The following PHLPP2 variants were observed in gnomAD, a reference collection of about 807,000 sequenced individuals.
The protein encoded by PHLPP2 is PH domain and leucine rich repeat protein phosphatase 2.
PHLPP2 carries 66 observed loss-of-function variants against 124.9 expected under a neutral mutation model. That is an observed-to-expected ratio of 0.53 (90% confidence interval 0.43 to 0.65). The LOEUF (loss-of-function observed/expected upper bound fraction) is 0.65. Among genes scored for constraint, PHLPP2 ranks in the 30% least tolerant of loss-of-function variants. The pLI is 0.00. For synonymous variants in PHLPP2, 681 were observed against 624.7 expected, an observed-to-expected ratio of 1.09 and a Z score of -1.34; for missense variants, 1,685 against 1,600.4, an observed-to-expected ratio of 1.05 and a Z score of -0.90.
intron 8 of PHLPP2, 83 bp downstream of exon 8, chr16:71,678,672 T>C (rs2044969331): frequency 1.2e-6 from 1 of 806,238 alleles, no homozygotes; most frequent in Non-Finnish European, 2.1e-6. Flanking sequence ...AACCCTAATG[T>C]TTTAAACAAA....
At chr16:71,671,922 A>AAAC (rs2044897023) in intron 10 of PHLPP2, among the ~76,000 whole-genome samples, 1 of 152,012 alleles carries the variant, frequency 6.6e-6, no homozygotes, top group Admixed American at 6.6e-5. Context: ...TCAAACAAAC[A>AAAC]AACAAACACC....
intron 3 of PHLPP2, among the ~76,000 whole-genome samples, chr16:71,691,508 TAAATAAGG>T (rs1323125895): frequency 5.8e-4 from 68 of 117,942 alleles, no homozygotes; most frequent in African/African-American, 1.9e-3. Flanking sequence ...AATAAATAAA[TAAATAAGG>T]AATATAAAAT....
chr16:71,703,624 A>G (rs2045251350), intron 2 of PHLPP2, among the ~76,000 whole-genome samples: 1 of 151,936 alleles, frequency 6.6e-6, no homozygotes, highest in Admixed American at 6.6e-5. Context: ...TACAGTGGCT[A>G]AACGTATAGG....
intron 2 of PHLPP2, among the ~76,000 whole-genome samples, chr16:71,708,410 G>T (rs2145376547): frequency 6.6e-6 from 1 of 152,268 alleles, no homozygotes; most frequent in East Asian, 1.9e-4. Flanking sequence ...AGAGCAGGTT[G>T]ACTGTAATTT....
At chr16:71,711,292 C>G (rs1003531904) in intron 2 of PHLPP2, among the ~76,000 whole-genome samples, 1 of 151,398 alleles carries the variant, frequency 6.6e-6, no homozygotes, top group Non-Finnish European at 1.5e-5. Context: ...GATCGCACCA[C>G]TGCACTCCAG....
At chr16:71,671,110 G>A (rs534191084) in intron 10 of PHLPP2, among the ~76,000 whole-genome samples, 13 of 152,132 alleles carry the variant, frequency 8.5e-5, no homozygotes, top group Middle Eastern at 3.4e-3. Context: ...GATTTTCTTC[G>A]GCAATGATCA....
At chr16:71,690,142 C>A (rs2045095378) in intron 4 of PHLPP2, among the ~76,000 whole-genome samples, 1 of 152,138 alleles carries the variant, frequency 6.6e-6, no homozygotes, top group Admixed American at 6.6e-5. Context: ...CTTATGACTA[C>A]CTCAGACTCT....
intron 18 of PHLPP2, among the ~76,000 whole-genome samples, chr16:71,650,755 T>C (rs1454898389): frequency 6.6e-6 from 1 of 152,240 alleles, no homozygotes; most frequent in African/African-American, 2.4e-5. Flanking sequence ...AATAAATTAA[T>C]ATCACAGTTG....
Position 71,658,296 on chromosome 16 carries a change from T to C in PHLPP2, c.2216A>G (p.Gln739Arg), listed in dbSNP as rs1303908551. ...LIPEALPATL[Q>R]DLDLTGNTNL... ...TGTATTTCCAGTCAGGTCAAGGTCTTGTAATGTAGCAGGCAAAGCCTCTGG... is the reference window on the plus strand; with the variant it reads ...TGTATTTCCAGTCAGGTCAAGGTCTCGTAATGTAGCAGGCAAAGCCTCTGG... Residue 739 changes from glutamine to arginine, a missense_variant, in exon 15 of 19, where the codon CAA (glutamine) becomes CGA (arginine). Transcript: ENST00000568954. The C allele has an allele frequency of 6.2e-7, 1 of 1,613,906 alleles. No individual in the cohort carries two copies. Among genetic ancestry groups the C allele is most frequent in the South Asian group, 1.1e-5 (1 of 91,072 alleles).
Position 71,650,974 on chromosome 16 carries a change from A to G in PHLPP2, c.2818-930T>C, listed in dbSNP as rs201322257. On this transcript the variant is annotated intron_variant, in intron 18 of 18. Transcript: ENST00000568954. ...GTATGGTGTTTGGCAAATAATGGAC[A>G]AACAATAAATGCTTGTGGCTAAAAT... is the stretch of plus-strand genomic sequence containing the variant. Among the ~76,000 whole-genome samples the G allele has an allele frequency of 3.9e-5, 6 of 152,370 alleles. No individual in the cohort carries two copies. The East Asian group carries it at 9.6e-4, about 24-fold the overall frequency.
At chr16:71,659,400 C>T (rs1015525848) in intron 13 of PHLPP2, among the ~76,000 whole-genome samples, 5 of 151,834 alleles carry the variant, frequency 3.3e-5, no homozygotes, top group Admixed American at 6.6e-5. Flanking sequence ...TACAGGCATG[C>T]GCCACCACGC....
chr16:71,687,860 T>G (rs138616490), intron 4 of PHLPP2, among the ~76,000 whole-genome samples: 2 of 152,212 alleles, frequency 1.3e-5, no homozygotes, highest in African/African-American at 4.8e-5. Flanking sequence ...TCCTATTAGA[T>G]GTATACCAGA....
intron 18 of PHLPP2, 121 bp from the exon 19 acceptor site, chr16:71,650,165 A>G (rs2044686575): frequency 1.0e-5 from 7 of 691,556 alleles, no homozygotes; most frequent in Middle Eastern, 3.4e-4. Context: ...TTTCCTATGG[A>G]TTAGTATAAT....
chr16:71,686,957 C>T (rs891537771), intron 4 of PHLPP2, among the ~76,000 whole-genome samples: 2 of 152,100 alleles, frequency 1.3e-5, no homozygotes, highest in Non-Finnish European at 2.9e-5. Context: ...AAACTAGAAA[C>T]AGAATTACTG....
chr16:71,662,534 C>T (rs1425563886), intron 13 of PHLPP2, among the ~76,000 whole-genome samples: 1 of 152,190 alleles, frequency 6.6e-6, no homozygotes, highest in Non-Finnish European at 1.5e-5. Flanking sequence ...AATCAAGTTT[C>T]TCCTGTATGT....
At chr16:71,686,731 G>A (rs2045058470) in intron 4 of PHLPP2, among the ~76,000 whole-genome samples, 1 of 149,100 alleles carries the variant, frequency 6.7e-6, no homozygotes, top group African/African-American at 2.5e-5. Flanking sequence ...GAATTATGCT[G>A]TTAAGATTTA....
chr16:71,715,320 G>C (rs1448844040), intron 1 of PHLPP2: 1 of 154,034 alleles, frequency 6.5e-6, no homozygotes, highest in Non-Finnish European at 1.4e-5. Flanking sequence ...AGTGAGCCGT[G>C]ATTGTGCCAC....
rs371183298 is a variant in PHLPP2, at chr16:71,688,608, G to GTTTTTT, written c.609+1905_609+1910dup. ...TCCCTAGTATTAAATTTCTCTGTGG[G>GTTTTTT]TTTTTTTTTTTTTTTTTGTATGTGT... On this transcript the variant is annotated intron_variant, in intron 4 of 18. Coordinates refer to ENST00000568954, the MANE Select transcript of PHLPP2 (RefSeq NM_015020.3). Among the ~76,000 whole-genome samples, 9 of 125,654 alleles carry GTTTTTT rather than the reference G, an allele frequency of 7.2e-5. 2 individuals carry two copies. The highest frequency in any genetic ancestry group is 2.6e-4 in the Admixed American group (3 of 11,410). The allele number at this position is 125,654 out of a possible 152,430, so 82.4% of individuals were successfully genotyped here.
chr16:71,715,643 C>A (rs917639697), intron 1 of PHLPP2: 2 of 151,844 alleles, frequency 1.3e-5, no homozygotes, highest in Admixed American at 6.6e-5. Context: ...AGCGCCACTG[C>A]ACTCCGGCCT....
Sources: gnomAD v4.1 joint callset for allele counts (sites outside exome capture counted in the v4.1 genomes callset) on GRCh38, gnomAD v4.1.1 for gene constraint, MANE v1.5 for transcripts, NCBI Gene and HGNC (gene_info 2026-07-23, HGNC 2026-07-21) for gene names.